Variants in FAH observed in about 807,000 individuals in gnomAD.
FAH encodes fumarylacetoacetase.
Under a neutral mutation model 55.8 loss-of-function variants are expected in FAH, and 47 were observed. That is an observed-to-expected ratio of 0.84 (90% CI 0.67 to 1.07). FAH has a LOEUF of 1.07. Ranked by LOEUF, FAH falls within the 50% of genes least tolerant of loss-of-function variation. FAH has a pLI of 0.00. For synonymous variants in FAH, 199 were observed against 207.7 expected, an observed-to-expected ratio of 0.96 and a Z score of 0.36; for missense variants, 495 against 545.9, an observed-to-expected ratio of 0.91 and a Z score of 0.93.
intron 3 of FAH, 66 bp downstream of exon 3, chr15:80,159,943 A>T: frequency 1.3e-6 from 2 of 1,576,130 alleles, no homozygotes; most frequent in East Asian, 2.3e-5. Context: ...CTGTGTGGTT[A>T]TCAGTGCCAT....
chr15:80,170,764 T>C (rs1036747580), intron 7 of FAH, among the ~76,000 whole-genome samples: 5 of 152,208 alleles, frequency 3.3e-5, no homozygotes, highest in Non-Finnish European at 5.9e-5. Flanking sequence ...TTTTGGGTTC[T>C]TTTTTTCATC....
At chr15:80,179,563 C>T (rs1036025402) in intron 11 of FAH, among the ~76,000 whole-genome samples, 2 of 150,746 alleles carry the variant, frequency 1.3e-5, no homozygotes, top group African/African-American at 4.9e-5. Flanking sequence ...TGCCTTGGCC[C>T]CCTCTGCCCA....
At chr15:80,158,962 AC>A (rs1178128659) in intron 2 of FAH, among the ~76,000 whole-genome samples, 1 of 151,186 alleles carries the variant, frequency 6.6e-6, no homozygotes. Flanking sequence ...AAATTAAAAA[AC>A]CTCTCGGCTC....
At position 80,186,156 on chromosome 15, in the gene FAH, A is replaced by G. The variant is rs374287385; in HGVS notation, c.1207A>G (p.Ile403Val). 1.4e-5 allele frequency: 23 copies of G among 1,614,032 alleles called. 1 individual carries two copies. The Middle Eastern group carries it at 4.9e-4, about 35-fold the overall frequency. ...GTACTGCCAGGGGGATGGTTACCGC[A>G]TCGGCTTTGGCCAGTGTGCTGGAAA... Reference protein sequence around the residue: ...TGYCQGDGYRIGFGQCAGKVL... With the variant: ...TGYCQGDGYRVGFGQCAGKVL... Residue 403 changes from isoleucine (I) to valine (V), a missense_variant, in exon 14 of 14, where the codon ATC becomes GTC. By Grantham distance (29) the Ile-to-Val change is conservative. Coordinates refer to ENST00000561421, the MANE Select transcript of FAH (RefSeq NM_000137.4).
chr15:80,157,936 G>A (rs930039400), intron 1 of FAH, 124 bp from the exon 2 acceptor site: 10 of 754,136 alleles, frequency 1.3e-5, no homozygotes, highest in South Asian at 5.6e-5. Context: ...TCTTCAGTCC[G>A]CTCTGCATAC....
chr15:80,160,315 T>G, intron 3 of FAH, 95 bp from the exon 4 acceptor site: 1 of 1,280,904 alleles, frequency 7.8e-7, no homozygotes, highest in East Asian at 2.3e-5. Context: ...CACTGGAGAT[T>G]GTGGATAATC....
intron 8 of FAH, among the ~76,000 whole-genome samples, chr15:80,172,761 C>G (rs1457336833): frequency 6.6e-6 from 1 of 152,218 alleles, no homozygotes; most frequent in Non-Finnish European, 1.5e-5. Context: ...CTTCCAGCCC[C>G]TTCCTGGGAG....
chr15:80,159,015 A>T (rs984705011), intron 2 of FAH, among the ~76,000 whole-genome samples: 1 of 152,158 alleles, frequency 6.6e-6, no homozygotes, highest in African/African-American at 2.4e-5. Flanking sequence ...ATGTGGGCAG[A>T]TCACTTGAGG....
chr15:80,164,560 GCA>G (rs143583156), intron 5 of FAH, among the ~76,000 whole-genome samples: 1 of 151,564 alleles, frequency 6.6e-6, no homozygotes, highest in Non-Finnish European at 1.5e-5. Context: ...ATGTACACAT[GCA>G]CACACACACA....
intron 12 of FAH, among the ~76,000 whole-genome samples, chr15:80,180,828 A>G (rs1279646372): frequency 6.6e-6 from 1 of 152,154 alleles, no homozygotes; most frequent in Non-Finnish European, 1.5e-5. Flanking sequence ...CGATGTCCTT[A>G]GTGGAACCAT....
At chr15:80,186,591 TATTGATTG>T (rs1378367280), downstream of FAH, 1 of 297,284 alleles carries the variant, frequency 3.4e-6, no homozygotes, top group Non-Finnish European at 6.5e-6. Context: ...GAGATCGATT[TATTGATTG>T]ATTGATTGAT....
intron 1 of FAH, among the ~76,000 whole-genome samples, chr15:80,155,661 A>G (rs1321969287): frequency 6.6e-6 from 1 of 152,124 alleles, no homozygotes; most frequent in East Asian, 1.9e-4. Context: ...TGAGACACAG[A>G]GACCGGTAGT....
chr15:80,177,602 C>G lies in FAH; in HGVS notation c.960+19C>G. 1.2e-6 allele frequency: 2 copies of G among 1,608,912 alleles called. No homozygotes were observed. Among genetic ancestry groups the G allele is most frequent in the Non-Finnish European group, 1.7e-6 (2 of 1,175,240 alleles). ...TTTTAAGGTAAGCTTTGACGCTGAT[C>G]AGACTGCTTTTTAGAATTGAGGGAA... On this transcript the variant is annotated intron_variant, in intron 11 of 13. Coordinates refer to ENST00000561421, the MANE Select transcript of FAH (RefSeq NM_000137.4).
intron 9 of FAH, 48 bp downstream of exon 9, chr15:80,173,192 C>T: frequency 6.2e-7 from 1 of 1,613,786 alleles, no homozygotes; most frequent in Non-Finnish European, 8.5e-7. Context: ...CCTGCTGCCT[C>T]TGAGGCTGCT....
chr15:80,183,387 A>C (rs577466715), intron 13 of FAH, among the ~76,000 whole-genome samples: 5 of 152,376 alleles, frequency 3.3e-5, no homozygotes, highest in African/African-American at 1.2e-4. Flanking sequence ...TGGGCTAAGC[A>C]GGGGGTAAGC....
At chr15:80,176,866 G>A (rs1347625031) in intron 10 of FAH, among the ~76,000 whole-genome samples, 1 of 152,222 alleles carries the variant, frequency 6.6e-6, no homozygotes, top group African/African-American at 2.4e-5. Context: ...CTGGGCGAAA[G>A]GGTCTGGGGA....
In FAH at chr15:80,162,264, A is replaced by G. The variant is rs746854963; in HGVS notation, c.383A>G (p.Tyr128Cys). 13 of 1,614,194 alleles carry G rather than the reference A, an allele frequency of 8.1e-6. No individual in the cohort carries two copies. Among genetic ancestry groups the G allele is most frequent in the East Asian group, 6.7e-5 (3 of 44,886 alleles). The change falls in exon 5 of 14, where the codon TAT (tyrosine) becomes TGT (cysteine). Residue 128 changes from tyrosine (Y) to cysteine (C), a missense_variant. Coordinates refer to ENST00000561421, the MANE Select transcript of FAH (RefSeq NM_000137.4). ...TCTGCAGGAGACTACACAGACTTCT[A>G]TTCCTCTCGGCAGCATGCTACCAAC... ...PATIGDYTDFYSSRQHATNVG... is the reference protein window; with the variant it reads ...PATIGDYTDFCSSRQHATNVG...
At chr15:80,186,630 G>A (rs750758470), downstream of FAH, 4 of 255,492 alleles carry the variant, frequency 1.6e-5, no homozygotes, top group Non-Finnish European at 3.1e-5. Context: ...TTGGCTTCTG[G>A]GATTCTGGAG....
At position 80,186,284 on chromosome 15, in the gene FAH, C is replaced by A; in HGVS notation, c.*75C>A. On this transcript the variant is annotated 3_prime_UTR_variant, in exon 14 of 14. Coordinates refer to ENST00000561421, the MANE Select transcript of FAH (RefSeq NM_000137.4). ...CCTGTGACTGGGGTCCTCCCTCGGG[C>A]TGTAGGCCTGGTCCGCCATTCAGTG... The A allele has an allele frequency of 1.6e-6, 2 of 1,214,900 alleles. No individual in the cohort carries two copies. Among genetic ancestry groups the A allele is most frequent in the East Asian group, 4.6e-5 (2 of 43,090 alleles). The allele number at this position is 1,214,900 out of a possible 1,614,324, so 75.3% of individuals were successfully genotyped here. A position where few individuals can be genotyped will look rare whatever the true frequency, so the allele number is the denominator to read the frequency against.
Sources: gnomAD v4.1 joint callset for allele counts (sites outside exome capture counted in the v4.1 genomes callset) on GRCh38, gnomAD v4.1.1 for gene constraint, MANE v1.5 for transcripts, NCBI Gene and HGNC (gene_info 2026-07-23, HGNC 2026-07-21) for gene names.